The following SIPA1L1 variants were observed in gnomAD, a reference collection of about 807,000 sequenced individuals.
The protein encoded by SIPA1L1 is signal-induced proliferation-associated 1-like protein 1.
In SIPA1L1, 26 loss-of-function variants were observed where a neutral mutation model predicts 162.7. That is an observed-to-expected ratio of 0.16 (90% CI 0.12 to 0.22). The LOEUF (loss-of-function observed/expected upper bound fraction) is 0.22, where lower values mean the gene tolerates loss of function less well. Ranked by LOEUF, SIPA1L1 falls within the 10% of genes least tolerant of loss-of-function variation. The pLI is 1.00. For synonymous variants in SIPA1L1, 829 were observed against 837.4 expected (o/e 0.99, Z 0.17); for missense variants, 1,874 against 2,241.0 (o/e 0.84, Z 3.31).
chr14:71,624,013 C>T, intron 6 of SIPA1L1, 35 bp from the exon 7 acceptor site: 4 of 1,547,144 alleles, frequency 2.6e-6, no homozygotes, highest in South Asian at 1.2e-5. Context: ...TCTCACATCC[C>T]AGAAGCCTCA....
chr14:71,525,468 C>G (rs1444333665), intron 3 of SIPA1L1, among the ~76,000 whole-genome samples: 1 of 152,218 alleles, frequency 6.6e-6, no homozygotes, highest in Admixed American at 6.5e-5. Context: ...CAGGCGTGAG[C>G]CACTGCGCCC....
Position 71,735,258 on chromosome 14 carries a change from T to C in SIPA1L1, c.5009-19T>C. 1 of 1,567,540 alleles carries C rather than the reference T, an allele frequency of 6.4e-7. No homozygotes were observed. The highest frequency in any genetic ancestry group is 8.8e-7 in the Non-Finnish European group (1 of 1,137,684). On this transcript the variant is annotated intron_variant, in intron 21 of 23. Coordinates refer to ENST00000381232, the MANE Select transcript of SIPA1L1 (RefSeq NM_001386936.1). ...GATGTGGTTCCAAAATACTAAATGG[T>C]TTCTTCTCTCCTTTCCAGTCCAGAG...
At chr14:71,538,797 G>A (rs1213481189) in intron 4 of SIPA1L1, among the ~76,000 whole-genome samples, 1 of 152,144 alleles carries the variant, frequency 6.6e-6, no homozygotes, top group Non-Finnish European at 1.5e-5. Context: ...TCCCATTTCT[G>A]TTGCAGTGCT....
chr14:71,348,233 C>CT (rs1158955560), intron 2 of SIPA1L1, among the ~76,000 whole-genome samples: 1 of 152,170 alleles, frequency 6.6e-6, no homozygotes, highest in African/African-American at 2.4e-5. Flanking sequence ...TACCAGCCCC[C>CT]ACAAAAGCCA....
intron 6 of SIPA1L1, among the ~76,000 whole-genome samples, chr14:71,623,564 T>C (rs2039665643): frequency 6.6e-6 from 1 of 152,218 alleles, no homozygotes; most frequent in Admixed American, 6.5e-5. Context: ...CATTTGGTAA[T>C]ATGAATAGTT....
chr14:71,676,208 A>G (rs1321648950), intron 12 of SIPA1L1, among the ~76,000 whole-genome samples: 2 of 151,646 alleles, frequency 1.3e-5, no homozygotes, highest in Non-Finnish European at 2.9e-5. Context: ...TAGGAGAATC[A>G]CTTGACCCAG....
At chr14:71,510,611 T>C (rs984765937) in intron 2 of SIPA1L1, among the ~76,000 whole-genome samples, 2 of 152,200 alleles carry the variant, frequency 1.3e-5, no homozygotes, top group Non-Finnish European at 2.9e-5. Context: ...TGCCTGGGAA[T>C]TATTGCCAGG....
chr14:71,370,551 C>T (rs2038789248), intron 2 of SIPA1L1, among the ~76,000 whole-genome samples: 2 of 152,146 alleles, frequency 1.3e-5, no homozygotes, highest in African/African-American at 2.4e-5. Context: ...AATTGCCCTT[C>T]AGTAGTAACA....
At chr14:71,550,978 T>C (rs974175507) in intron 4 of SIPA1L1, among the ~76,000 whole-genome samples, 17 of 152,256 alleles carry the variant, frequency 1.1e-4, no homozygotes, top group Admixed American at 8.5e-4. Context: ...TTCCCTTTCC[T>C]CTCCAGCCAC....
intron 4 of SIPA1L1, among the ~76,000 whole-genome samples, chr14:71,556,128 C>T (rs780519991): frequency 3.9e-5 from 6 of 152,166 alleles, no homozygotes; most frequent in Non-Finnish European, 7.4e-5. Context: ...CTGCAAAGTG[C>T]AATAAAGTGA....
At chr14:71,671,898 ACTCT>A (rs2044559823) in intron 11 of SIPA1L1, among the ~76,000 whole-genome samples, 1 of 112,880 alleles carries the variant, frequency 8.9e-6, no homozygotes, top group Admixed American at 1.0e-4. Flanking sequence ...AGACACATTT[ACTCT>A]GTGTGTGTGT....
At chr14:71,568,217 C>A (rs903257675) in intron 4 of SIPA1L1, among the ~76,000 whole-genome samples, 3 of 152,134 alleles carry the variant, frequency 2.0e-5, no homozygotes, top group Non-Finnish European at 4.4e-5. Flanking sequence ...AAGATGGAGT[C>A]GCTCAGGTTT....
At chr14:71,655,413 A>G (rs1250292265) in intron 8 of SIPA1L1, among the ~76,000 whole-genome samples, 1 of 152,140 alleles carries the variant, frequency 6.6e-6, no homozygotes, top group Non-Finnish European at 1.5e-5. Context: ...GCTATTGTGA[A>G]CAGTGCTGCA....
chr14:71,378,787 T>C (rs2039638537), intron 2 of SIPA1L1, among the ~76,000 whole-genome samples: 1 of 152,234 alleles, frequency 6.6e-6, no homozygotes, highest in Non-Finnish European at 1.5e-5. Context: ...GCTTCATTTA[T>C]TTTGAGATGT....
In SIPA1L1 at chr14:71,446,906, G is replaced by GTTTTTTTTTTTTTTTTTTTTTTTTT. The variant is rs1189940440; in HGVS notation, c.-464-65814_-464-65813insTTTTTTTTTTTTTTTTTTTTTTTTT. ...AGAGATGGGCTCTGTTTTTTTTTTT[G>GTTTTTTTTTTTTTTTTTTTTTTTTT]TTTTTTTTTTTTTTTTTTTTTTTGA... is the stretch of plus-strand genomic sequence containing the variant. On this transcript the variant is annotated intron_variant, in intron 2 of 23. Coordinates refer to ENST00000381232, the MANE Select transcript of SIPA1L1 (RefSeq NM_001386936.1). Among the ~76,000 whole-genome samples, 11 of 53,242 alleles carry GTTTTTTTTTTTTTTTTTTTTTTTTT rather than the reference G, an allele frequency of 2.1e-4. 1 individual carries two copies. The highest frequency in any genetic ancestry group is 2.5e-4 in the African/African-American group (3 of 11,948). The allele number at this position is 53,242 out of a possible 152,430, so 34.9% of individuals were successfully genotyped here.
At chr14:71,477,488 CTAAT>C (rs1195644347) in intron 2 of SIPA1L1, among the ~76,000 whole-genome samples, 12 of 152,264 alleles carry the variant, frequency 7.9e-5, no homozygotes, top group Middle Eastern at 3.4e-3. Context: ...CAGACCATCT[CTAAT>C]TAATTAATTA....
chr14:71,676,290 T>G (rs551634262), intron 12 of SIPA1L1, among the ~76,000 whole-genome samples: 87 of 151,480 alleles, frequency 5.7e-4, no homozygotes, highest in Middle Eastern at 3.4e-3. Context: ...AGACTCCATC[T>G]CAAAAAAATA....
intron 10 of SIPA1L1, among the ~76,000 whole-genome samples, chr14:71,665,571 G>A (rs1336228045): frequency 1.3e-5 from 2 of 152,172 alleles, no homozygotes; most frequent in Admixed American, 6.5e-5. Context: ...TGTTAATAGC[G>A]AGTATATACT....
At chr14:71,544,148 C>T (rs2054870207) in intron 4 of SIPA1L1, among the ~76,000 whole-genome samples, 1 of 150,008 alleles carries the variant, frequency 6.7e-6, no homozygotes, top group Non-Finnish European at 1.5e-5. Context: ...TACATATATG[C>T]ACGTGTGTGT....
Sources: allele counts gnomAD v4.1 joint callset (sites outside exome capture counted in the v4.1 genomes callset), GRCh38; gene constraint gnomAD v4.1.1; transcripts MANE v1.5; gene names NCBI Gene and HGNC (gene_info 2026-07-23, HGNC 2026-07-21).